AFAP1: variants seen among roughly 807,000 people sequenced by gnomAD.
AFAP1 encodes actin filament associated protein 1.
In AFAP1, 75 loss-of-function variants were observed where a neutral mutation model predicts 93.9. The observed-to-expected ratio is 0.80, with a 90% CI of 0.66 to 0.97. The LOEUF is 0.97. AFAP1 is among the 50% of genes least tolerant of loss of function. The pLI is 0.00. For missense variants in AFAP1, 1,201 were observed against 1,050.8 expected (o/e 1.14, Z -1.98); for synonymous variants, 517 against 430.7 (o/e 1.20, Z -2.48).
rs565661444 is a variant in AFAP1, at chr4:7,798,084, T to C, written c.1266+2358A>G. Among the ~76,000 whole-genome samples, 132 of 99,900 alleles carry C rather than the reference T, an allele frequency of 1.3e-3. 1 individual carries two copies. Among genetic ancestry groups the C allele is most frequent in the African/African-American group, 5.4e-3 (129 of 23,826 alleles). 65.5% of individuals were successfully genotyped at this position (99,900 alleles called of 152,430 possible). On this transcript the variant is annotated intron_variant, in intron 10 of 17. Transcript: ENST00000420658. ...GGAAAAAGTATAGATTGCAACTCTA[T>C]TGGCTGGCTCACGGCATTGCAACTC...
At chr4:7,879,023 ATGTT>A in intron 1 of AFAP1, among the ~76,000 whole-genome samples, 3 of 152,314 alleles carry the variant, frequency 2.0e-5, no homozygotes, top group African/African-American at 7.2e-5. Flanking sequence ...TGTGTTTGAC[ATGTT>A]TATTTTACTA....
At chr4:7,806,467 G>A (rs891826356) in intron 9 of AFAP1, among the ~76,000 whole-genome samples, 2 of 152,130 alleles carry the variant, frequency 1.3e-5, no homozygotes, top group African/African-American at 2.4e-5. Context: ...GCTTTCAGTG[G>A]CTCCTGGGAG....
At chr4:7,768,516 G>A (rs574508880) in intron 17 of AFAP1, among the ~76,000 whole-genome samples, 51 of 152,212 alleles carry the variant, frequency 3.4e-4, no homozygotes, top group African/African-American at 1.2e-3. Flanking sequence ...CGGTCTCCTG[G>A]TCTAATCTCC....
Position 7,871,992 on chromosome 4 carries a change from T to C in AFAP1, c.87A>G (p.Ala29=). The C allele has an allele frequency of 3.7e-6, 6 of 1,614,222 alleles. No individual in the cohort carries two copies. Among genetic ancestry groups the C allele is most frequent in the Non-Finnish European group, 2.5e-6 (3 of 1,180,030 alleles). ...TTCTTAGCAGAATGTTGGTTATCAC[T>C]GCCTTTTTCTCCCTGACAGTTGAGG... ...YLTSTVREKK[A]VITNILLRIQ... Residue 29 remains alanine, a synonymous_variant, in exon 2 of 18, where the codon GCA becomes GCG. Coordinates refer to ENST00000420658, the MANE Select transcript of AFAP1 (RefSeq NM_001134647.2).
At chr4:7,838,437 C>CAAAATTAAAATT (rs567891544) in intron 6 of AFAP1, 87 bp downstream of exon 6, 3 of 1,449,500 alleles carry the variant, frequency 2.1e-6, no homozygotes, top group Non-Finnish European at 2.7e-6. Flanking sequence ...TATGCTTGAA[C>CAAAATTAAAATT]AAAATTAAAA....
At chr4:7,797,781 T>A (rs1718577552) in intron 10 of AFAP1, among the ~76,000 whole-genome samples, 1 of 152,156 alleles carries the variant, frequency 6.6e-6, no homozygotes. Context: ...TCTGGTAAGG[T>A]GTTTTCAGCA....
intron 11 of AFAP1, among the ~76,000 whole-genome samples, chr4:7,793,156 TGCA>T (rs140227641): frequency 0.058 from 8,233 of 142,180 alleles, 250 homozygotes; most frequent in Middle Eastern, 0.11. Flanking sequence ...TATAGATGAC[TGCA>T]GCATTTTTTT....
rs1350082633 is a variant in AFAP1 at position 7,802,248 on chromosome 4, ATGT to A, written c.1055-1598_1055-1596del. Reference sequence around the variant, plus strand: ...AAACTTTCATCTGGGGTGTGGGCTGATGTTGTTAGGGAGTGACAGAGAAAGGAG... The same window carrying A: ...AAACTTTCATCTGGGGTGTGGGCTGATGTTAGGGAGTGACAGAGAAAGGAG... On this transcript the variant is annotated intron_variant, in intron 9 of 17. Coordinates refer to ENST00000420658, the MANE Select transcript of AFAP1 (RefSeq NM_001134647.2). Among the ~76,000 whole-genome samples, 4 of 147,298 alleles carry A rather than the reference ATGT, an allele frequency of 2.7e-5. No individual in the cohort carries two copies. In the Admixed American group the frequency reaches 2.7e-4, roughly 10 times the overall value.
At chr4:7,935,510 T>G (rs1721321487) in intron 1 of AFAP1, among the ~76,000 whole-genome samples, 1 of 151,984 alleles carries the variant, frequency 6.6e-6, no homozygotes, top group Non-Finnish European at 1.5e-5. Context: ...AAACAGCAGG[T>G]GACATGGGAG....
chr4:7,792,739 G>T (rs1305928790), intron 11 of AFAP1, among the ~76,000 whole-genome samples: 1 of 152,066 alleles, frequency 6.6e-6, no homozygotes, highest in Non-Finnish European at 1.5e-5. Flanking sequence ...AAAAACCCAC[G>T]GGCTTCAGAG....
intron 1 of AFAP1, among the ~76,000 whole-genome samples, chr4:7,909,207 A>AT (rs1476680336): frequency 6.6e-6 from 1 of 152,190 alleles, no homozygotes; most frequent in Non-Finnish European, 1.5e-5. Flanking sequence ...CTTTGCACAC[A>AT]TATTTGCACA....
At chr4:7,922,785 A>C (rs2149238279) in intron 1 of AFAP1, among the ~76,000 whole-genome samples, 1 of 152,258 alleles carries the variant, frequency 6.6e-6, no homozygotes, top group Middle Eastern at 3.4e-3. Flanking sequence ...GGAGTTTGAA[A>C]CCACTCTGGA....
In AFAP1 at chr4:7,781,607, A is replaced by C; in HGVS notation, c.1551T>G (p.Phe517Leu). Residue 517 changes from phenylalanine (F) to leucine (L), a missense_variant, in exon 13 of 18, where the codon TTT (phenylalanine) becomes TTG (leucine). Coordinates refer to ENST00000420658, the MANE Select transcript of AFAP1 (RefSeq NM_001134647.2). ...INGSWEPEDG[F>L]PASCSRGLGE... The stretch of plus-strand genomic sequence containing the variant: ...CCAAGCCTCTGCTGCAGGAAGCAGG[A>C]AAGCCGTCTTCCGGTTCCCACTGCA... The C allele has an allele frequency of 6.4e-7, 1 of 1,551,828 alleles. No homozygotes were observed. The highest frequency in any genetic ancestry group is 8.7e-7 in the Non-Finnish European group (1 of 1,147,030).
At chr4:7,915,709 G>T (rs917393937) in intron 1 of AFAP1, among the ~76,000 whole-genome samples, 13 of 152,218 alleles carry the variant, frequency 8.5e-5, no homozygotes, top group African/African-American at 2.9e-4. Context: ...GCTTCTGCTG[G>T]TTAAGGCTGA....
In AFAP1 at chr4:7,819,107, C is replaced by G; in HGVS notation, c.791G>C (p.Ser264Thr). ...CAGTTCTGCCTTGTGCACCGGGGAG[C>G]TTGGTGGAGGAGGACACTCTGAATC... ...PVDSECPPPP[S>T]SPVHKAELEK... The change falls in exon 7 of 18, where the codon AGC (serine) becomes ACC (threonine). Residue 264 changes from serine (S) to threonine (T), a missense_variant. Transcript: ENST00000420658. 6.2e-7 allele frequency: 1 copy of G among 1,613,702 alleles called. No individual in the cohort carries two copies. The highest frequency in any genetic ancestry group is 1.1e-5 in the South Asian group (1 of 90,966).
chr4:7,893,924 C>T (rs994376900), intron 1 of AFAP1, among the ~76,000 whole-genome samples: 2 of 152,072 alleles, frequency 1.3e-5, no homozygotes, highest in Non-Finnish European at 2.9e-5. Context: ...CAAACGCTGC[C>T]GCCTCCCTCG....
intron 2 of AFAP1, among the ~76,000 whole-genome samples, chr4:7,869,253 G>A (rs1203850278): frequency 6.6e-6 from 1 of 151,578 alleles, no homozygotes; most frequent in Non-Finnish European, 1.5e-5. Flanking sequence ...AAGGGGAAGG[G>A]GTGTAAGAAA....
At chr4:7,773,457 ATTTC>A (rs1715716404) in intron 15 of AFAP1, 1 of 165,248 alleles carries the variant, frequency 6.1e-6, no homozygotes, top group African/African-American at 2.4e-5. Flanking sequence ...CATGGCACAC[ATTTC>A]TTTAAGGCAC....
At chr4:7,830,775 A>AT (rs1711523955) in intron 6 of AFAP1, among the ~76,000 whole-genome samples, 1 of 152,016 alleles carries the variant, frequency 6.6e-6, no homozygotes, top group African/African-American at 2.4e-5. Flanking sequence ...TGCTCAGATA[A>AT]TTTTTTAATG....
Sources: gnomAD v4.1 joint callset for allele counts (sites outside exome capture counted in the v4.1 genomes callset) on GRCh38, gnomAD v4.1.1 for gene constraint, MANE v1.5 for transcripts, NCBI Gene and HGNC (gene_info 2026-07-23, HGNC 2026-07-21) for gene names.